The following DST variants were observed in gnomAD, a reference collection of about 807,000 sequenced individuals.
DST encodes the protein dystonin.
In DST, 253 loss-of-function variants were observed where a neutral mutation model predicts 875.2. The observed-to-expected ratio is 0.29, with a 90% confidence interval of 0.26 to 0.32. DST has a LOEUF of 0.32. DST is among the 10% of genes least tolerant of loss of function. The probability of loss-of-function intolerance (pLI) is 1.00; values close to 1 mark genes in which losing one functional copy is unlikely to be tolerated. For synonymous variants in DST, 3,124 were observed against 3,197.1 expected, an observed-to-expected ratio of 0.98 and a Z score of 0.77; for missense variants, 8,287 against 9,111.6, an observed-to-expected ratio of 0.91 and a Z score of 3.68.
intron 8 of DST, among the ~76,000 whole-genome samples, chr6:56,700,225 AC>A (rs2099291148): frequency 1.3e-5 from 2 of 151,990 alleles, no homozygotes; most frequent in Non-Finnish European, 2.9e-5. Context: ...TGCTGAAACA[AC>A]CCCCACTCCT....
chr6:56,811,564 T>C (rs2099759977), intron 4 of DST, among the ~76,000 whole-genome samples: 1 of 152,186 alleles, frequency 6.6e-6, no homozygotes, highest in African/African-American at 2.4e-5. Context: ...GATACTATCT[T>C]TCATTTAAAA....
chr6:56,532,500 C>T lies in DST; in HGVS notation c.16952G>A (p.Arg5651Lys). Residue 5651 changes from arginine (R) to lysine (K), a missense_variant, in exon 64 of 104, where the codon AGA becomes AAA. Arg to Lys is a conservative substitution (Grantham distance 26). Coordinates refer to ENST00000680361, the MANE Select transcript of DST (RefSeq NM_001374736.1). ...CGTAGATTTTCGGTCATCCAACAAT[C>T]TCTGGAGAAGCTTGAGACAAAACAT... ...AQIQEQKLLQ[R>K]LLDDRKSTVE... 6.3e-7 allele frequency: 1 copy of T among 1,597,046 alleles called. No individual in the cohort carries two copies. The highest frequency in any genetic ancestry group is 8.5e-7 in the Non-Finnish European group (1 of 1,171,278).
At chr6:56,464,877 G>C (rs2094504599) in intron 99 of DST, 121 bp from the exon 100 acceptor site, 1 of 704,156 alleles carries the variant, frequency 1.4e-6, no homozygotes, top group Non-Finnish European at 2.4e-6. Flanking sequence ...ACACATTTTA[G>C]AAGAAAAGTT....
In DST at chr6:56,652,900, A is replaced by G. The variant is rs562439548; in HGVS notation, c.1215-1656T>C. 6.6e-5 allele frequency among the ~76,000 whole-genome samples: 10 copies of G among 152,362 alleles called. No individual in the cohort carries two copies. The South Asian group carries it at 1.9e-3, about 28-fold the overall frequency. On this transcript the variant is annotated intron_variant, in intron 10 of 103. Transcript: ENST00000680361. ...TCCAAAAGTAACATTTTTTATTCACATAGAAACATCTGAAGAATCTGCCAA... is the reference window on the plus strand; with the variant it reads ...TCCAAAAGTAACATTTTTTATTCACGTAGAAACATCTGAAGAATCTGCCAA...
chr6:56,628,240 CAAAATAATTGGACTGCA>C (rs2098750158), intron 32 of DST, 79 bp from the exon 33 acceptor site: 2 of 1,296,568 alleles, frequency 1.5e-6, no homozygotes, highest in Non-Finnish European at 2.2e-6. Flanking sequence ...ATGGGAGAGA[CAAAATAATTGGACTGCA>C]ATGAACTAAG....
At chr6:56,459,292 T>TCA (rs1257670465) in intron 103 of DST, 25 bp from the exon 104 acceptor site, 1 of 1,601,534 alleles carries the variant, frequency 6.2e-7, no homozygotes. Flanking sequence ...TAGAGACAGC[T>TCA]CACCCTTATT....
At chr6:56,524,695 C>G (rs1583993128) in intron 69 of DST, among the ~76,000 whole-genome samples, 1 of 151,938 alleles carries the variant, frequency 6.6e-6, no homozygotes. Flanking sequence ...ACATGAACAA[C>G]CAGAAGATAT....
At chr6:56,881,901 C>T (rs1031790348) in intron 3 of DST, among the ~76,000 whole-genome samples, 4 of 152,080 alleles carry the variant, frequency 2.6e-5, no homozygotes, top group African/African-American at 9.7e-5. Context: ...AAAAAAAGCA[C>T]CAAACAAAGG....
At chr6:56,495,025 T>C (rs2095862009) in intron 82 of DST, among the ~76,000 whole-genome samples, 1 of 151,948 alleles carries the variant, frequency 6.6e-6, no homozygotes, top group Admixed American at 6.6e-5. Flanking sequence ...CAATTCAGTG[T>C]TTTTAAAATT....
At chr6:56,550,226 T>C (rs2097298810) in intron 61 of DST, among the ~76,000 whole-genome samples, 1 of 152,158 alleles carries the variant, frequency 6.6e-6, no homozygotes, top group South Asian at 2.1e-4. Context: ...ATGCAGAGTA[T>C]TTGTCTACTT....
intron 45 of DST, among the ~76,000 whole-genome samples, 161 bp from the exon 46 acceptor site, chr6:56,598,870 T>G (rs961141684): frequency 2.0e-5 from 3 of 152,186 alleles, no homozygotes; most frequent in Non-Finnish European, 4.4e-5. Context: ...ATCACAATAC[T>G]TAATATAATT....
chr6:56,725,115 T>A (rs2099445487), intron 5 of DST, among the ~76,000 whole-genome samples: 1 of 152,208 alleles, frequency 6.6e-6, no homozygotes, highest in African/African-American at 2.4e-5. Flanking sequence ...AAAGTCATAC[T>A]ACTAGAAAAT....
chr6:56,616,877 T>C, intron 36 of DST: 1 of 1,614,022 alleles, frequency 6.2e-7, no homozygotes, highest in Non-Finnish European at 8.5e-7. Flanking sequence ...AACAACTCCT[T>C]TAAGAACTGC....
chr6:56,752,045 T>C (rs2099588694), intron 4 of DST, among the ~76,000 whole-genome samples: 1 of 152,148 alleles, frequency 6.6e-6, no homozygotes, highest in Admixed American at 6.5e-5. Context: ...AAAGCTTGTA[T>C]CAAGCACACA....
At chr6:56,756,620 C>G (rs1024256022) in intron 4 of DST, among the ~76,000 whole-genome samples, 5 of 152,204 alleles carry the variant, frequency 3.3e-5, no homozygotes, top group African/African-American at 1.2e-4. Context: ...ATCTCTCCCT[C>G]AAGACACGCA....
chr6:56,807,270 CCCA>C (rs1314733752), intron 4 of DST, among the ~76,000 whole-genome samples: 1 of 152,168 alleles, frequency 6.6e-6, no homozygotes, highest in African/African-American at 2.4e-5. Flanking sequence ...AAGCGATCCA[CCCA>C]CCTTGGCTTC....
In DST at chr6:56,498,041, C is replaced by A; in HGVS notation, c.19909G>T (p.Asp6637Tyr). The A allele has an allele frequency of 1.2e-6, 2 of 1,611,162 alleles. No individual in the cohort carries two copies. Among genetic ancestry groups the A allele is most frequent in the Non-Finnish European group, 1.7e-6 (2 of 1,178,572 alleles). Residue 6637 changes from aspartate to tyrosine, a missense_variant, in exon 81 of 104, where the codon GAT (aspartate) becomes TAT (tyrosine). By Grantham distance (160) the Asp-to-Tyr change is radical (BLOSUM62 -3). Transcript: ENST00000680361. ...ELAKHHVLQNDVLAHQSTVEA... is the reference protein window; with the variant it reads ...ELAKHHVLQNYVLAHQSTVEA... ...ACTGTGGACTGATGGGCTAATACATCATTTTGGAGCACCTGAAAATATAAA... is the reference window on the plus strand; with the variant it reads ...ACTGTGGACTGATGGGCTAATACATAATTTTGGAGCACCTGAAAATATAAA...
chr6:56,749,278 C>T (rs1014638010), intron 4 of DST, among the ~76,000 whole-genome samples: 4 of 151,996 alleles, frequency 2.6e-5, no homozygotes, highest in Non-Finnish European at 5.9e-5. Flanking sequence ...CGCTTTAACC[C>T]GGGAGGCAGA....
At chr6:56,715,213 C>CTTCCT (rs1209764908) in intron 5 of DST, among the ~76,000 whole-genome samples, 1 of 152,178 alleles carries the variant, frequency 6.6e-6, no homozygotes. Flanking sequence ...CATCAAATGA[C>CTTCCT]TTCCTAGCAG....
Sources: allele counts gnomAD v4.1 joint callset (sites outside exome capture counted in the v4.1 genomes callset), GRCh38; gene constraint gnomAD v4.1.1; transcripts MANE v1.5; gene names NCBI Gene and HGNC (gene_info 2026-07-23, HGNC 2026-07-21).